The following DOCK1 variants were observed in gnomAD, a reference collection of about 807,000 sequenced individuals.
DOCK1 encodes dedicator of cytokinesis protein 1.
In DOCK1, 138 loss-of-function variants were observed where a neutral mutation model predicts 262.7. That is an observed-to-expected ratio of 0.53 (90% confidence interval 0.46 to 0.61). The LOEUF (loss-of-function observed/expected upper bound fraction) is 0.61, where lower values mean the gene tolerates loss of function less well. DOCK1 is among the 20% of genes least tolerant of loss of function. The pLI, the probability that DOCK1 is intolerant of heterozygous loss-of-function variation, is 0.00. For synonymous variants in DOCK1, 866 were observed against 867.4 expected, an observed-to-expected ratio of 1.00 and a Z score of 0.03; for missense variants, 1,908 against 2,370.7, an observed-to-expected ratio of 0.80 and a Z score of 4.05.
intron 27 of DOCK1, among the ~76,000 whole-genome samples, chr10:127,226,541 G>A (rs377588690): frequency 1.3e-5 from 2 of 151,950 alleles, no homozygotes; most frequent in Admixed American, 6.6e-5. Context: ...TCAGGAGTTC[G>A]AGACCAGCCT....
intron 10 of DOCK1, chr10:127,000,913 GTGCTGGTGCTCTTCCTCCACCC>G (rs1172176573): frequency 1.9e-5 from 3 of 155,786 alleles, no homozygotes; most frequent in Admixed American, 6.5e-5. Flanking sequence ...TTCCTCCACC[GTGCTGGTGCTCTTCCTCCACCC>G]TGCTGTTGCT....
intron 16 of DOCK1, among the ~76,000 whole-genome samples, chr10:127,028,755 A>T (rs76148640): frequency 6.6e-6 from 1 of 152,198 alleles, no homozygotes; most frequent in Non-Finnish European, 1.5e-5. Context: ...TGAGTATCAC[A>T]TGAATTAGGC....
At chr10:127,253,779 G>A (rs1449240356) in intron 28 of DOCK1, among the ~76,000 whole-genome samples, 2 of 151,020 alleles carry the variant, frequency 1.3e-5, no homozygotes, top group East Asian at 2.0e-4. Flanking sequence ...GGAGGCTGAG[G>A]CAGGAGGATC....
chr10:127,163,662 T>C (rs2133711371), intron 27 of DOCK1, among the ~76,000 whole-genome samples: 1 of 152,178 alleles, frequency 6.6e-6, no homozygotes, highest in East Asian at 1.9e-4. Context: ...ATAGTATTCA[T>C]ATTAGCCCAT....
intron 35 of DOCK1, among the ~76,000 whole-genome samples, chr10:127,377,764 T>C (rs575901972): frequency 6.6e-6 from 1 of 151,842 alleles, no homozygotes; most frequent in South Asian, 2.1e-4. Flanking sequence ...TGGTGTTGGG[T>C]GCCTGTAATC....
chr10:127,243,915 T>C (rs943833329), intron 27 of DOCK1, among the ~76,000 whole-genome samples: 2 of 152,190 alleles, frequency 1.3e-5, no homozygotes, highest in African/African-American at 4.8e-5. Flanking sequence ...ATCTGGTATC[T>C]TTTCTAGTCA....
At chr10:126,916,034 G>C (rs1261354240) in intron 1 of DOCK1, among the ~76,000 whole-genome samples, 1 of 152,222 alleles carries the variant, frequency 6.6e-6, no homozygotes, top group Non-Finnish European at 1.5e-5. Flanking sequence ...TTAAAAGTTA[G>C]GCGTTGGGAC....
In DOCK1 at chr10:127,082,010, C is replaced by A. The variant is rs184218255; in HGVS notation, c.2445+20234C>A. Among the ~76,000 whole-genome samples, 28 of 152,230 alleles carry A rather than the reference C, an allele frequency of 1.8e-4. 1 individual carries two copies. Among genetic ancestry groups the A allele is most frequent in the Admixed American group, 1.4e-3 (21 of 15,294 alleles). ...GACCTCAAAGAGGGTGAACATGAGCCCTGCTTTCCTTTCCTCTTTGACTTC... is the reference window on the plus strand; with the variant it reads ...GACCTCAAAGAGGGTGAACATGAGCACTGCTTTCCTTTCCTCTTTGACTTC... On this transcript the variant is annotated intron_variant, in intron 23 of 51. Transcript: ENST00000623213.
At chr10:127,413,577 G>A (rs1485343769) in intron 43 of DOCK1, among the ~76,000 whole-genome samples, 2 of 152,210 alleles carry the variant, frequency 1.3e-5, no homozygotes, top group African/African-American at 4.8e-5. Flanking sequence ...ATGTGCTGGG[G>A]AGTGAGGGCA....
At chr10:127,432,300 T>C (rs2069346622) in intron 47 of DOCK1, among the ~76,000 whole-genome samples, 1 of 152,114 alleles carries the variant, frequency 6.6e-6, no homozygotes, top group African/African-American at 2.4e-5. Context: ...GGCCCACTTT[T>C]CAGAAGGGGA....
chr10:126,946,354 C>G (rs1334139409), intron 1 of DOCK1, among the ~76,000 whole-genome samples: 2 of 152,120 alleles, frequency 1.3e-5, no homozygotes, highest in African/African-American at 4.8e-5. Context: ...CAAGACCAGC[C>G]TGGCCAACAT....
chr10:127,000,428 G>C, intron 10 of DOCK1, 121 bp downstream of exon 10: 12 of 1,366,582 alleles, frequency 8.8e-6, no homozygotes, highest in Non-Finnish European at 1.2e-5. Context: ...TTCTGCTGGA[G>C]AGAAAAAATA....
At chr10:127,305,326 G>C (rs1232143066) in intron 29 of DOCK1, among the ~76,000 whole-genome samples, 1 of 152,138 alleles carries the variant, frequency 6.6e-6, no homozygotes, top group Non-Finnish European at 1.5e-5. Context: ...TGATGAGTCG[G>C]GCAGAAGAGT....
chr10:127,243,078 G>T (rs969734974), intron 27 of DOCK1, among the ~76,000 whole-genome samples: 1 of 152,128 alleles, frequency 6.6e-6, no homozygotes. Context: ...GAGCTCCAGG[G>T]TCGATTGAGA....
intron 27 of DOCK1, among the ~76,000 whole-genome samples, chr10:127,152,906 G>A (rs1333291700): frequency 3.3e-5 from 5 of 152,156 alleles, no homozygotes; most frequent in African/African-American, 9.7e-5. Flanking sequence ...TGTCTGGATC[G>A]GAGGCATGGA....
Position 127,110,302 on chromosome 10 carries a change from G to T in DOCK1, c.2571G>T (p.Gln857His). 6.2e-7 allele frequency: 1 copy of T among 1,613,680 alleles called. No homozygotes were observed. The highest frequency in any genetic ancestry group is 8.5e-7 in the Non-Finnish European group (1 of 1,179,814). ...TTCCCATGGGCTTGCTGACCATCCA[G>T]AAACTCTACTGCTTGATCGAAATCG... ...LNVPMGLLTI[Q>H]KLYCLIEIVH... is the part of the protein sequence containing the mutation. Residue 857 changes from glutamine (Q) to histidine (H), a missense_variant, in exon 25 of 52, where the codon CAG (glutamine) becomes CAT (histidine). Physicochemically the swap from Gln to His is conservative, Grantham distance 24. Around this residue, in one of 9 missense-constraint regions of DOCK1, gnomAD observed 518 missense variants for 575.1 expected, o/e 0.90. Transcript: ENST00000623213.
At chr10:127,137,743 C>T in intron 27 of DOCK1, 5 of 1,238,272 alleles carry the variant, frequency 4.0e-6, no homozygotes, top group Non-Finnish European at 5.6e-6. Flanking sequence ...GAATGGGCAC[C>T]ACAGTTCCCT....
intron 23 of DOCK1, among the ~76,000 whole-genome samples, chr10:127,097,894 TA>T (rs1424958443): frequency 6.6e-6 from 1 of 152,180 alleles, no homozygotes; most frequent in African/African-American, 2.4e-5. Flanking sequence ...CATAATGGTG[TA>T]TTCGTACAGT....
At chr10:127,211,139 G>A (rs1488834418) in intron 27 of DOCK1, among the ~76,000 whole-genome samples, 1 of 152,254 alleles carries the variant, frequency 6.6e-6, no homozygotes, top group African/African-American at 2.4e-5. Flanking sequence ...CTGTACAATT[G>A]TGTCTGTGAT....
Sources: allele counts gnomAD v4.1 joint callset (sites outside exome capture counted in the v4.1 genomes callset), GRCh38; gene constraint gnomAD v4.1.1; regional missense constraint gnomAD v4.1.1; transcripts MANE v1.5; gene names NCBI Gene and HGNC (gene_info 2026-07-23, HGNC 2026-07-21).